VPS13C: variants seen among roughly 807,000 people sequenced by gnomAD.
The protein encoded by VPS13C is vacuolar protein sorting 13 homolog C, also known as intermembrane lipid transfer protein VPS13C.
Under a neutral mutation model 456.8 loss-of-function variants are expected in VPS13C, and 358 were observed. The ratio of observed to expected loss-of-function variants is 0.78; its 90% CI spans 0.72 to 0.86. The LOEUF (loss-of-function observed/expected upper bound fraction) is 0.86. Among genes scored for constraint, VPS13C ranks in the 40% least tolerant of loss-of-function variants. The probability of loss-of-function intolerance (pLI) is 0.00; values close to 1 mark genes in which losing one functional copy is unlikely to be tolerated. For missense variants in VPS13C, 4,818 were observed against 4,385.4 expected (o/e 1.10, Z -2.79); for synonymous variants, 1,578 against 1,486.7 (o/e 1.06, Z -1.41).
Position 62,013,087 on chromosome 15 carries a change from C to T in VPS13C, c.777G>A (p.Trp259Ter). ...LIRLDSLSAY[W>*]NVNCSMSYQR... Reference sequence around the variant, plus strand: ...GGTAAGACATGCTGCAATTTACATTCCAGTAGGCGCTAAGACTATCAAGTC... The same window carrying T: ...GGTAAGACATGCTGCAATTTACATTTCAGTAGGCGCTAAGACTATCAAGTC... The change falls in exon 11 of 85, where the codon TGG (tryptophan) becomes TGA (stop). Residue 259 changes from tryptophan to a stop codon, truncating the protein, a stop_gained. Coordinates refer to ENST00000644861, the MANE Select transcript of VPS13C (RefSeq NM_020821.3). LOFTEE classifies it high-confidence loss of function. 1 of 1,610,620 alleles carries T rather than the reference C, an allele frequency of 6.2e-7. No individual in the cohort carries two copies. Among genetic ancestry groups the T allele is most frequent in the Non-Finnish European group, 8.5e-7 (1 of 1,178,164 alleles).
rs1001319103 is a variant in VPS13C at position 61,864,650 on chromosome 15, C to T, written c.10864-1122G>A. 3.0e-6 allele frequency: 3 copies of T among 985,304 alleles called. No homozygotes were observed. In the African/African-American group the frequency reaches 5.2e-5, roughly 17 times the overall value. The allele number at this position is 985,304 out of a possible 1,614,324, so 61.0% of individuals were successfully genotyped here. On this transcript the variant is annotated intron_variant, in intron 81 of 84. Transcript: ENST00000644861. ...TAAAGTTGCTTGGTACCTAGTCATT[C>T]CTTGACAATTGCAAAAAGCCATGAA... is the stretch of plus-strand genomic sequence containing the variant.
chr15:61,933,353 C>G (rs1366682588), intron 49 of VPS13C, among the ~76,000 whole-genome samples: 2 of 151,924 alleles, frequency 1.3e-5, no homozygotes, highest in African/African-American at 4.8e-5. Context: ...ATAACAGATA[C>G]AAGCCAAAAA....
intron 24 of VPS13C, among the ~76,000 whole-genome samples, chr15:61,976,077 G>GT (rs1596408282): frequency 6.6e-6 from 1 of 152,014 alleles, no homozygotes; most frequent in East Asian, 1.9e-4. Context: ...AACGAAGCTT[G>GT]TGTTAAGAAC....
In VPS13C at chr15:61,987,842, T is replaced by C. The variant is rs1158808420; in HGVS notation, c.1579-2843A>G. Among the ~76,000 whole-genome samples the C allele has an allele frequency of 2.6e-5, 4 of 152,180 alleles. No homozygotes were observed. The East Asian group carries it at 5.8e-4, about 22-fold the overall frequency. On this transcript the variant is annotated intron_variant, in intron 18 of 84. Coordinates refer to ENST00000644861, the MANE Select transcript of VPS13C (RefSeq NM_020821.3). ...TGTTTGCCAGTTTTTAGAAAAGTTA[T>C]ACATATTTACCCTATGACCCAGCAA...
At chr15:61,884,328 T>A in intron 67 of VPS13C, 59 bp from the exon 68 acceptor site, 2 of 1,519,800 alleles carry the variant, frequency 1.3e-6, no homozygotes, top group Non-Finnish European at 1.8e-6. Context: ...TGTGGAACTT[T>A]ATTCAACTCC....
At chr15:61,857,866 A>G (rs1894007261) in intron 82 of VPS13C, among the ~76,000 whole-genome samples, 1 of 152,106 alleles carries the variant, frequency 6.6e-6, no homozygotes, top group South Asian at 2.1e-4. Context: ...ACTGAAATAG[A>G]TCCCTGGCAT....
intron 14 of VPS13C, among the ~76,000 whole-genome samples, chr15:62,008,380 C>T (rs1265239389): frequency 6.6e-6 from 1 of 150,520 alleles, no homozygotes; most frequent in Non-Finnish European, 1.5e-5. Context: ...AGCATGGGGA[C>T]ACAGCAAGAT....
rs2047106526 is a variant in VPS13C at position 62,013,114 on chromosome 15, T to C, written c.750A>G (p.Ile250Met). Residue 250 changes from isoleucine to methionine, a missense_variant, in exon 11 of 85, where the codon ATA (isoleucine) becomes ATG (methionine). By Grantham distance (10) the Ile-to-Met change is conservative. Coordinates refer to ENST00000644861, the MANE Select transcript of VPS13C (RefSeq NM_020821.3). The stretch of plus-strand genomic sequence containing the variant: ...AGTAGGCGCTAAGACTATCAAGTCG[T>C]ATAAGCTATAAGAGAAAAATGAAAG... ...NEADKIIYKL[I>M]RLDSLSAYWN... 1.3e-5 allele frequency: 21 copies of C among 1,598,568 alleles called. No individual in the cohort carries two copies. The highest frequency in any genetic ancestry group is 1.7e-5 in the Non-Finnish European group (20 of 1,172,830).
chr15:61,871,406 A>G (rs1895021212), intron 79 of VPS13C, among the ~76,000 whole-genome samples: 1 of 152,156 alleles, frequency 6.6e-6, no homozygotes, highest in Middle Eastern at 3.2e-3. Context: ...AACCATAAGT[A>G]AGAGTCTATT....
rs1895065294 is a variant in VPS13C at position 61,871,976 on chromosome 15, A to G, written c.10624+13T>C. On this transcript the variant is annotated intron_variant, in intron 79 of 84. Transcript: ENST00000644861. ...TTCAGACTTTGTAAAGGAAGGAAAT[A>G]TTTTCAACATACCTTCCACAGGTTT... 1 of 1,609,740 alleles carries G rather than the reference A, an allele frequency of 6.2e-7. No individual in the cohort carries two copies. The highest frequency in any genetic ancestry group is 8.5e-7 in the Non-Finnish European group (1 of 1,177,564).
chr15:61,967,438 C>T lies in VPS13C; in HGVS notation c.2921G>A (p.Arg974Lys), dbSNP rs3784634. 949,257 of 1,588,846 alleles carry T rather than the reference C, an allele frequency of 0.6. 291,062 individuals carry two copies. Among genetic ancestry groups the T allele is most frequent in the African/African-American group, 0.87 (63,666 of 73,026 alleles). The change falls in exon 29 of 85, where the codon AGG becomes AAG. Residue 974 changes from arginine (R) to lysine (K), a missense_variant. Arg to Lys is a conservative substitution (Grantham distance 26, BLOSUM62 2). Around this residue, in one of 3 missense-constraint regions of VPS13C, gnomAD observed 4,552 missense variants for 4,130.6 expected, o/e 1.10. Transcript: ENST00000644861. ...LDYHEIEGSK[R>K]KPLHLISSSD... is the part of the protein sequence containing the mutation. Reference sequence around the variant, plus strand: ...AGAGCTAATCAAGTGAAGGGGCTTCCTTTTGGATCCTAGATTAAAGAAAAA... The same window carrying T: ...AGAGCTAATCAAGTGAAGGGGCTTCTTTTTGGATCCTAGATTAAAGAAAAA...
At chr15:61,943,181 T>C (rs1270636635) in intron 45 of VPS13C, among the ~76,000 whole-genome samples, 2 of 152,194 alleles carry the variant, frequency 1.3e-5, no homozygotes, top group Non-Finnish European at 2.9e-5. Flanking sequence ...ATTGTTAAAA[T>C]GGCTATACTT....
At chr15:61,919,582 T>C (rs959296551) in intron 57 of VPS13C, 133 bp from the exon 58 acceptor site, 3 of 965,266 alleles carry the variant, frequency 3.1e-6, no homozygotes, top group South Asian at 4.0e-5. Context: ...AAATTGCTTT[T>C]CTAAGACATA....
chr15:61,908,949 T>C (rs1438198945), intron 65 of VPS13C, 43 bp downstream of exon 65: 32 of 1,600,214 alleles, frequency 2.0e-5, no homozygotes, highest in Non-Finnish European at 2.6e-5. Context: ...TTAGTTACTA[T>C]GAACCAATAA....
chr15:62,018,469 C>T (rs1056558489), intron 9 of VPS13C, among the ~76,000 whole-genome samples: 5 of 151,584 alleles, frequency 3.3e-5, no homozygotes, highest in African/African-American at 1.2e-4. Flanking sequence ...CCATCAATAC[C>T]TAATCTATTG....
chr15:61,889,006 A>G (rs1896476172), intron 67 of VPS13C, among the ~76,000 whole-genome samples: 1 of 152,144 alleles, frequency 6.6e-6, no homozygotes, highest in African/African-American at 2.4e-5. Context: ...TTCTCTAGAC[A>G]TAAGGCTGCT....
intron 9 of VPS13C, among the ~76,000 whole-genome samples, chr15:62,018,404 T>C (rs1450705858): frequency 1.3e-5 from 2 of 151,904 alleles, no homozygotes; most frequent in Non-Finnish European, 2.9e-5. Flanking sequence ...GCCCATTCAC[T>C]ATGATATTGG....
intron 22 of VPS13C, 37 bp downstream of exon 22, chr15:61,981,305 C>T: frequency 5.1e-6 from 8 of 1,555,354 alleles, no homozygotes; most frequent in Non-Finnish European, 6.9e-6. Flanking sequence ...GCAAGCAGGT[C>T]AAAGATGGGC....
At chr15:61,973,242 CA>C (rs1332381363) in intron 26 of VPS13C, among the ~76,000 whole-genome samples, 1 of 150,528 alleles carries the variant, frequency 6.6e-6, no homozygotes, top group Non-Finnish European at 1.5e-5. Flanking sequence ...TTGTCAACTA[CA>C]AAAAAAAACC....
Sources: gnomAD v4.1 joint callset for allele counts (sites outside exome capture counted in the v4.1 genomes callset) on GRCh38, gnomAD v4.1.1 for gene constraint, gnomAD v4.1.1 regional missense constraint, MANE v1.5 for transcripts, NCBI Gene and HGNC (gene_info 2026-07-23, HGNC 2026-07-21) for gene names.